The following NFIC variants were observed in gnomAD, a reference collection of about 807,000 sequenced individuals.
NFIC encodes nuclear factor 1 C-type.
A neutral mutation model predicts 54.4 loss-of-function variants in NFIC; 12 were observed. The ratio of observed to expected loss-of-function variants is 0.22; its 90% CI spans 0.14 to 0.36. The LOEUF (loss-of-function observed/expected upper bound fraction) is 0.36. Ranked by LOEUF, NFIC falls within the 10% of genes least tolerant of loss-of-function variation. The probability of loss-of-function intolerance (pLI) is 1.00; values close to 1 mark genes in which losing one functional copy is unlikely to be tolerated. For missense variants in NFIC, 575 were observed against 718.2 expected, an observed-to-expected ratio of 0.80 and a Z score of 2.28; for synonymous variants, 322 against 319.2, an observed-to-expected ratio of 1.01 and a Z score of -0.09.
chr19:3,443,116 T>C (rs2082318755), intron 6 of NFIC, among the ~76,000 whole-genome samples: 2 of 152,148 alleles, frequency 1.3e-5, no homozygotes, highest in African/African-American at 4.8e-5. Flanking sequence ...GTGCTGAGGC[T>C]GAGAAACCTG....
rs60018147 is a variant in NFIC, at chr19:3,375,574, A to G, written c.31-6138A>G. Among the ~76,000 whole-genome samples the G allele has an allele frequency of 0.1, 15,493 of 152,264 alleles. 947 individuals are homozygous for G. The highest frequency in any genetic ancestry group is 0.14 in the Admixed American group (2,089 of 15,292). ...GCAGGTTGGCTGGGGAAGCGGGGGC[A>G]GCGGAAAAGGGCCCTGAGGTCCGGT... On this transcript the variant is annotated intron_variant, in intron 1 of 10. Transcript: ENST00000443272. This position sits in a 1 kb window ranked among gnomAD's most constrained non-coding sequence, Gnocchi z 4.6.
intron 3 of NFIC, among the ~76,000 whole-genome samples, chr19:3,429,253 T>TACACACACACACACACACACACAC (rs57948823): frequency 5.1e-4 from 26 of 50,800 alleles, no homozygotes; most frequent in South Asian, 8.5e-4. Context: ...AAAAAATATA[T>TACACACACACACACACACACACAC]ACACACACAC....
rs2082699748 is a variant in NFIC at position 3,465,138 on chromosome 19, C to T, written c.*2369C>T. On this transcript the variant is annotated 3_prime_UTR_variant, in exon 11 of 11. Coordinates refer to ENST00000443272, the MANE Select transcript of NFIC (RefSeq NM_001245002.2). The stretch of plus-strand genomic sequence containing the variant: ...TCCCTGTTCCTCGCCCCCTCCACCC[C>T]CCACTTCCTCTTTAAAAAAAAAAAA... The T allele has an allele frequency of 7.0e-6, 1 of 143,694 alleles. No homozygotes were observed. The highest frequency in any genetic ancestry group is 1.5e-5 in the Non-Finnish European group (1 of 66,486). 8.9% of individuals were successfully genotyped at this position (143,694 alleles called of 1,614,324 possible).
At chr19:3,391,098 A>G (rs1348865024) in intron 2 of NFIC, among the ~76,000 whole-genome samples, 1 of 151,978 alleles carries the variant, frequency 6.6e-6, no homozygotes, top group Non-Finnish European at 1.5e-5. Flanking sequence ...AAAAATTTAA[A>G]AATTATCTGG....
intron 1 of NFIC, among the ~76,000 whole-genome samples, chr19:3,376,918 T>G (rs1424826481): frequency 6.6e-6 from 1 of 151,694 alleles, no homozygotes; most frequent in South Asian, 2.1e-4. Context: ...TTAGTAGAGA[T>G]GGGGTTTCGC....
intron 6 of NFIC, among the ~76,000 whole-genome samples, chr19:3,445,453 G>A (rs2082361255): frequency 6.6e-6 from 1 of 152,136 alleles, no homozygotes; most frequent in African/African-American, 2.4e-5. Flanking sequence ...TCACAGGCTG[G>A]GCATGAGTGG....
At chr19:3,456,865 G>T in intron 10 of NFIC, 1 of 579,528 alleles carries the variant, frequency 1.7e-6, no homozygotes, top group Non-Finnish European at 3.1e-6. Flanking sequence ...GACTCAGCCT[G>T]TGGGGTCCCC....
At chr19:3,449,476 G>A (rs1423434325) in intron 7 of NFIC, among the ~76,000 whole-genome samples, 5 of 151,996 alleles carry the variant, frequency 3.3e-5, no homozygotes, top group Non-Finnish European at 7.3e-5. Context: ...AGCTGCCAAT[G>A]AGGCCAGGCA....
intron 3 of NFIC, among the ~76,000 whole-genome samples, chr19:3,426,758 C>T (rs578125777): frequency 1.6e-4 from 24 of 152,246 alleles, no homozygotes; most frequent in Admixed American, 3.9e-4. Context: ...GCACCAGACC[C>T]AGTCCTGCCT....
At chr19:3,430,547 C>G (rs552802957) in intron 3 of NFIC, among the ~76,000 whole-genome samples, 11 of 151,942 alleles carry the variant, frequency 7.2e-5, no homozygotes, top group Admixed American at 6.6e-5. Context: ...TTTCATCCCC[C>G]CTAAAAGAAA....
intron 2 of NFIC, among the ~76,000 whole-genome samples, chr19:3,409,942 T>C (rs2081724816): frequency 1.3e-5 from 2 of 152,194 alleles, no homozygotes; most frequent in Admixed American, 1.3e-4. Flanking sequence ...CTGCGGTGGC[T>C]CGCACCTGTG....
intron 10 of NFIC, chr19:3,457,797 G>A (rs2082582544): frequency 6.6e-6 from 1 of 152,216 alleles, no homozygotes; most frequent in Non-Finnish European, 1.5e-5. Flanking sequence ...GAGCGGATGG[G>A]GGCGGGGAGG....
At position 3,423,888 on chromosome 19, in the gene NFIC, G is replaced by A. The variant is rs544449823; in HGVS notation, c.563-1218G>A. ...GGGGCAGAGGCTGAGGCTAAGGGACGTGACGTCTCCAGGACTCACCTCTCT... is the reference window on the plus strand; with the variant it reads ...GGGGCAGAGGCTGAGGCTAAGGGACATGACGTCTCCAGGACTCACCTCTCT... On this transcript the variant is annotated intron_variant, in intron 2 of 10. Transcript: ENST00000443272. 9.2e-5 allele frequency among the ~76,000 whole-genome samples: 14 copies of A among 152,222 alleles called. No individual in the cohort carries two copies. In the East Asian group the frequency reaches 1.7e-3, roughly 19 times the overall value.
At chr19:3,444,542 C>A (rs55805153) in intron 6 of NFIC, among the ~76,000 whole-genome samples, 2 of 152,138 alleles carry the variant, frequency 1.3e-5, no homozygotes, top group African/African-American at 4.8e-5. Context: ...TAGAGCCTGC[C>A]GGGAGCGTGC....
At chr19:3,406,506 C>T (rs891564532) in intron 2 of NFIC, among the ~76,000 whole-genome samples, 6 of 152,064 alleles carry the variant, frequency 3.9e-5, no homozygotes, top group African/African-American at 9.7e-5. Flanking sequence ...GGGATTACAG[C>T]GTGAGCCACT....
intron 2 of NFIC, among the ~76,000 whole-genome samples, chr19:3,402,094 GA>G (rs2081567444): frequency 6.6e-6 from 1 of 151,742 alleles, no homozygotes. Context: ...CACCCAGGCT[GA>G]AGTGCAGTGG....
intron 3 of NFIC, among the ~76,000 whole-genome samples, chr19:3,432,857 G>A (rs1297918266): frequency 1.3e-5 from 2 of 150,870 alleles, no homozygotes; most frequent in African/African-American, 4.9e-5. Context: ...GTATTTTTAG[G>A]AGACAGGGTT....
intron 2 of NFIC, among the ~76,000 whole-genome samples, chr19:3,423,706 T>A (rs1167689690): frequency 6.6e-6 from 1 of 151,890 alleles, no homozygotes; most frequent in Non-Finnish European, 1.5e-5. Flanking sequence ...CCTAATTATT[T>A]TTAGATAAGA....
At chr19:3,411,937 T>C (rs2081769526) in intron 2 of NFIC, among the ~76,000 whole-genome samples, 1 of 152,356 alleles carries the variant, frequency 6.6e-6, no homozygotes, top group African/African-American at 2.4e-5. Flanking sequence ...TTGTACATCA[T>C]GTCTTTGCAC....
Sources: allele counts gnomAD v4.1 joint callset (sites outside exome capture counted in the v4.1 genomes callset), GRCh38; gene constraint gnomAD v4.1.1; non-coding constraint Gnocchi (gnomAD v3.1); transcripts MANE v1.5; gene names NCBI Gene and HGNC (gene_info 2026-07-23, HGNC 2026-07-21).